Variants in STRN3 observed in about 807,000 individuals in gnomAD.
The protein encoded by STRN3 is striatin-3.
A neutral mutation model predicts 95.6 loss-of-function variants in STRN3; 29 were observed. The ratio of observed to expected loss-of-function variants is 0.30; its 90% confidence interval spans 0.23 to 0.41. The LOEUF is 0.41. Ranked by LOEUF, STRN3 falls within the 10% of genes least tolerant of loss-of-function variation. The probability of loss-of-function intolerance (pLI) is 1.00; values close to 1 mark genes in which losing one functional copy is unlikely to be tolerated. For missense variants in STRN3, 890 were observed against 972.1 expected (o/e 0.92, Z 1.12); for synonymous variants, 331 against 357.6 (o/e 0.93, Z 0.84).
At chr14:30,952,877 G>A (rs7150937) in intron 3 of STRN3, among the ~76,000 whole-genome samples, 151,792 of 152,316 alleles carry the variant, frequency 1, 75,641 homozygotes, top group Non-Finnish European at 1. Flanking sequence ...CAAGATATAC[G>A]ACTGCCCAAA....
At chr14:31,009,702 CAAAAT>C (rs1423065277) in intron 1 of STRN3, among the ~76,000 whole-genome samples, 3 of 150,628 alleles carry the variant, frequency 2.0e-5, no homozygotes, top group Non-Finnish European at 3.0e-5. Flanking sequence ...TAAAAACTCT[CAAAAT>C]AAATAGAAGT....
At chr14:30,919,562 G>A (rs548243890) in intron 8 of STRN3, among the ~76,000 whole-genome samples, 92 of 152,194 alleles carry the variant, frequency 6.0e-4, no homozygotes, top group Non-Finnish European at 1.1e-3. Flanking sequence ...ATAAGTACGA[G>A]TAATTTTTAT....
Position 30,918,988 on chromosome 14 carries a change from A to G in STRN3, c.1218T>C (p.His406=). ...SRSASTRMTD[H]EGARAEEAEP... ...TACCTTCCTCTGCTCTTGCACCTTC[A>G]TGATCAGTCATTCTAGTAGAGGCTG... Residue 406 remains histidine, a synonymous_variant, in exon 9 of 18, where the codon CAT becomes CAC. Coordinates refer to ENST00000357479, the MANE Select transcript of STRN3 (RefSeq NM_001083893.2). 1 of 1,596,534 alleles carries G rather than the reference A, an allele frequency of 6.3e-7. No individual in the cohort carries two copies. Among genetic ancestry groups the G allele is most frequent in the South Asian group, 1.1e-5 (1 of 88,378 alleles).
intron 1 of STRN3, among the ~76,000 whole-genome samples, chr14:30,997,865 A>G (rs1032104026): frequency 3.3e-5 from 5 of 152,220 alleles, no homozygotes; most frequent in African/African-American, 1.2e-4. Flanking sequence ...TCTCTCCTTC[A>G]TAAAAGCAAC....
chr14:31,025,731 G>A (rs1320497845), intron 1 of STRN3, 173 bp downstream of exon 1: 2 of 886,162 alleles, frequency 2.3e-6, no homozygotes, highest in Admixed American at 5.7e-5. Context: ...GCGGGAAAGA[G>A]GGAGGGGGAC....
At position 31,004,188 on chromosome 14, in the gene STRN3, G is replaced by C. The variant is rs151098034; in HGVS notation, c.282+21716C>G. ...TAGTCCCAGCTACTCGGGAGGCTGA[G>C]AGGTGGGAAGATCACCTGAGCTCAG... On this transcript the variant is annotated intron_variant, in intron 1 of 17. Coordinates refer to ENST00000357479, the MANE Select transcript of STRN3 (RefSeq NM_001083893.2). 4.6e-5 allele frequency among the ~76,000 whole-genome samples: 7 copies of C among 152,132 alleles called. 1 individual carries two copies. The highest frequency in any genetic ancestry group is 1.2e-4 in the African/African-American group (5 of 41,504).
chr14:31,014,306 C>T (rs150946397), intron 1 of STRN3, among the ~76,000 whole-genome samples: 5 of 152,080 alleles, frequency 3.3e-5, no homozygotes, highest in South Asian at 2.1e-4. Flanking sequence ...CTGCAACCTC[C>T]GCCTCCCGGG....
intron 4 of STRN3, among the ~76,000 whole-genome samples, chr14:30,948,149 C>A (rs942954957): frequency 1.3e-5 from 2 of 152,140 alleles, no homozygotes; most frequent in Non-Finnish European, 2.9e-5. Flanking sequence ...GAACTCTACA[C>A]AATTTTCAGG....
intron 3 of STRN3, among the ~76,000 whole-genome samples, 199 bp downstream of exon 3, chr14:30,955,421 T>TA (rs1879851001): frequency 3.3e-5 from 5 of 152,174 alleles, no homozygotes; most frequent in Admixed American, 3.3e-4. Flanking sequence ...AACTCAAGGA[T>TA]AATAAGACAA....
At chr14:30,981,017 AGGTTTTCTGTCCAGGCAT>A (rs958044154) in intron 1 of STRN3, among the ~76,000 whole-genome samples, 5 of 152,110 alleles carry the variant, frequency 3.3e-5, no homozygotes, top group Admixed American at 2.0e-4. Flanking sequence ...CAAAAACAGT[AGGTTTTCTGTCCAGGCAT>A]GGTGCCTCAT....
At chr14:30,911,294 A>AATTTTT in intron 12 of STRN3, 132 bp from the exon 13 acceptor site, 1 of 718,752 alleles carries the variant, frequency 1.4e-6, no homozygotes, top group Non-Finnish European at 2.0e-6. Context: ...CCTGACTGGT[A>AATTTTT]CTTTTTTTTT....
chr14:30,984,395 C>T (rs1260269564), intron 1 of STRN3, among the ~76,000 whole-genome samples: 5 of 150,634 alleles, frequency 3.3e-5, no homozygotes, highest in Non-Finnish European at 7.4e-5. Context: ...CAGAGCGAGA[C>T]TCCATCTCAA....
chr14:31,014,058 T>G (rs1311790210), intron 1 of STRN3, among the ~76,000 whole-genome samples: 4 of 151,740 alleles, frequency 2.6e-5, no homozygotes, highest in Non-Finnish European at 5.9e-5. Flanking sequence ...ACAACACCAT[T>G]GTGTCCAGCT....
chr14:30,911,831 G>C lies in STRN3; in HGVS notation c.1551-7C>G, dbSNP rs370309596. On this transcript the variant is annotated splice_polypyrimidine_tract_variant and splice_region_variant and intron_variant, in intron 11 of 17. Transcript: ENST00000357479. ...TACATCTAAAGAGGCACTCCTAAAA[G>C]AGGGGGAAAAAGGGTAGGGGAAGAG... 22 of 1,603,400 alleles carry C rather than the reference G, an allele frequency of 1.4e-5. No individual in the cohort carries two copies. The highest frequency in any genetic ancestry group is 1.8e-5 in the Non-Finnish European group (21 of 1,176,878).
intron 1 of STRN3, among the ~76,000 whole-genome samples, chr14:31,012,474 C>G (rs1883012527): frequency 6.6e-6 from 1 of 152,198 alleles, no homozygotes; most frequent in Non-Finnish European, 1.5e-5. Flanking sequence ...TGACTGCTCA[C>G]ACATTTAAGA....
At chr14:30,967,319 A>G (rs1447079098) in intron 1 of STRN3, among the ~76,000 whole-genome samples, 1 of 151,696 alleles carries the variant, frequency 6.6e-6, no homozygotes, top group Non-Finnish European at 1.5e-5. Context: ...GGAAAGAGGC[A>G]GAGAGACAGA....
rs35552314 is a variant in STRN3, at chr14:30,993,254, C to CAAA, written c.282+32647_282+32649dup. 8.1e-3 allele frequency among the ~76,000 whole-genome samples: 1,046 copies of CAAA among 129,550 alleles called. 14 individuals carry two copies. Among genetic ancestry groups the CAAA allele is most frequent in the African/African-American group, 0.028 (928 of 33,188 alleles). 85.0% of individuals were successfully genotyped at this position (129,550 alleles called of 152,430 possible). ...TGGGTGACAAAGTGAGACACTGTCT[C>CAAA]AAAAAAAAAAAAAAAACCCACAAAC... is the stretch of plus-strand genomic sequence containing the variant. On this transcript the variant is annotated intron_variant, in intron 1 of 17. Coordinates refer to ENST00000357479, the MANE Select transcript of STRN3 (RefSeq NM_001083893.2).
intron 1 of STRN3, 111 bp downstream of exon 1, chr14:31,025,793 T>C: frequency 6.9e-7 from 1 of 1,449,088 alleles, no homozygotes; most frequent in Non-Finnish European, 9.2e-7. Flanking sequence ...CACAGGTAGG[T>C]TCCGCTCGGC....
chr14:30,930,833 G>T (rs1206222059), intron 7 of STRN3, among the ~76,000 whole-genome samples: 1 of 152,026 alleles, frequency 6.6e-6, no homozygotes, highest in Admixed American at 6.5e-5. Context: ...TTAATCATTT[G>T]CACTCATCTT....
Sources: gnomAD v4.1 joint callset for allele counts (sites outside exome capture counted in the v4.1 genomes callset) on GRCh38, gnomAD v4.1.1 for gene constraint, MANE v1.5 for transcripts, NCBI Gene and HGNC (gene_info 2026-07-23, HGNC 2026-07-21) for gene names.